The following TPD52L1 variants were observed in gnomAD, a reference collection of about 807,000 sequenced individuals.
TPD52L1 encodes the protein TPD52 like 1, also known as tumor protein D53.
TPD52L1 carries 18 observed loss-of-function variants against 28.7 expected under a neutral mutation model. That is an observed-to-expected ratio of 0.63 (90% CI 0.43 to 0.93). The LOEUF is 0.93. Ranked by LOEUF, TPD52L1 falls within the 40% of genes least tolerant of loss-of-function variation. TPD52L1 has a pLI of 0.00. For missense variants in TPD52L1, 203 were observed against 254.8 expected (o/e 0.80, Z 1.39); for synonymous variants, 75 against 88.8 (o/e 0.84, Z 0.88).
At chr6:125,154,614 C>T (rs1789993492) in intron 1 of TPD52L1, 1 of 843,342 alleles carries the variant, frequency 1.2e-6, no homozygotes. Context: ...CTCCCTGCTC[C>T]CGGGGCTGCC....
At chr6:125,238,767 T>C (rs1796437081) in intron 3 of TPD52L1, among the ~76,000 whole-genome samples, 1 of 152,220 alleles carries the variant, frequency 6.6e-6, no homozygotes. Context: ...GATTTAAATG[T>C]AGTAGTTTTG....
intron 1 of TPD52L1, among the ~76,000 whole-genome samples, chr6:125,219,468 T>C (rs577429880): frequency 1.0e-3 from 152 of 152,334 alleles, no homozygotes; most frequent in African/African-American, 3.5e-3. Flanking sequence ...TTTTAAATTC[T>C]AACCTCAAGG....
chr6:125,212,072 G>T (rs565142460), intron 1 of TPD52L1, among the ~76,000 whole-genome samples: 1 of 151,898 alleles, frequency 6.6e-6, no homozygotes, highest in South Asian at 2.1e-4. Flanking sequence ...TTTCACTTGG[G>T]GAATACATGT....
chr6:125,201,502 T>C (rs1183436583), intron 1 of TPD52L1, among the ~76,000 whole-genome samples: 1 of 152,258 alleles, frequency 6.6e-6, no homozygotes, highest in Non-Finnish European at 1.5e-5. Flanking sequence ...TGCACCTTTT[T>C]TTCTGTAAGA....
chr6:125,217,949 T>C (rs923484924), intron 1 of TPD52L1, among the ~76,000 whole-genome samples: 7 of 152,208 alleles, frequency 4.6e-5, no homozygotes, highest in African/African-American at 1.4e-4. Flanking sequence ...GTCCAGTCTT[T>C]ATCATGGAAA....
At chr6:125,192,720 A>G (rs1392503575) in intron 1 of TPD52L1, among the ~76,000 whole-genome samples, 1 of 152,182 alleles carries the variant, frequency 6.6e-6, no homozygotes, top group Non-Finnish European at 1.5e-5. Context: ...CCAACCAAGC[A>G]CTTTGCTGCA....
At chr6:125,228,880 A>G (rs977613529) in intron 2 of TPD52L1, among the ~76,000 whole-genome samples, 3 of 151,994 alleles carry the variant, frequency 2.0e-5, no homozygotes, top group Non-Finnish European at 4.4e-5. Context: ...TTTCTGTACA[A>G]TCTCACTTTT....
intron 2 of TPD52L1, among the ~76,000 whole-genome samples, chr6:125,220,820 T>G (rs530879474): frequency 7.9e-4 from 121 of 152,290 alleles, no homozygotes; most frequent in Middle Eastern, 3.4e-3. Context: ...GTCTTTTGCT[T>G]GCAATACCCA....
rs1224824460 is a variant in TPD52L1, at chr6:125,263,759, G to A, written c.*797G>A. The A allele has an allele frequency of 1.3e-5, 2 of 152,214 alleles. No homozygotes were observed. Among genetic ancestry groups the A allele is most frequent in the Non-Finnish European group, 1.5e-5 (1 of 68,074 alleles). The allele number at this position is 152,214 out of a possible 1,614,324, so 9.4% of individuals were successfully genotyped here. A position where few individuals can be genotyped will look rare whatever the true frequency, so the allele number is the denominator to read the frequency against. On this transcript the variant is annotated 3_prime_UTR_variant, in exon 7 of 7. Coordinates refer to ENST00000534000, the MANE Select transcript of TPD52L1 (RefSeq NM_003287.4). Reference sequence around the variant, plus strand: ...CCAGCTACTCTAGAGGCTGAGGCAGGAGGATTGCATGAGCCTAGGAGTTCG... The same window carrying A: ...CCAGCTACTCTAGAGGCTGAGGCAGAAGGATTGCATGAGCCTAGGAGTTCG...
At chr6:125,178,410 CAGG>C (rs1389915138) in intron 1 of TPD52L1, among the ~76,000 whole-genome samples, 1 of 152,138 alleles carries the variant, frequency 6.6e-6, no homozygotes, top group Non-Finnish European at 1.5e-5. Context: ...ATCACAAGGT[CAGG>C]AGTTCAAGAC....
chr6:125,168,273 T>C (rs62432187), intron 1 of TPD52L1, among the ~76,000 whole-genome samples: 3,839 of 152,278 alleles, frequency 0.025, 80 homozygotes, highest in Middle Eastern at 0.048. Flanking sequence ...GAGAAAGAAC[T>C]TGGTGCCAGT....
intron 4 of TPD52L1, chr6:125,252,331 T>G (rs1410039455): frequency 2.8e-6 from 1 of 352,202 alleles, no homozygotes; most frequent in Non-Finnish European, 5.0e-6. Context: ...TTCTTAGAAT[T>G]GAAAAGAAGA....
intron 1 of TPD52L1, among the ~76,000 whole-genome samples, chr6:125,189,306 T>C (rs1201710237): frequency 1.3e-5 from 2 of 152,238 alleles, no homozygotes; most frequent in Non-Finnish European, 2.9e-5. Context: ...TACACTATTC[T>C]AAATACAGGA....
chr6:125,229,336 A>AT (rs1795806008), intron 3 of TPD52L1, 70 bp downstream of exon 3: 5 of 1,445,228 alleles, frequency 3.5e-6, no homozygotes, highest in Non-Finnish European at 4.6e-6. Context: ...GTTTTGTTTC[A>AT]TTTTTCCTAC....
intron 4 of TPD52L1, 119 bp from the exon 5 acceptor site, chr6:125,253,598 G>A: frequency 1.1e-6 from 1 of 899,820 alleles, no homozygotes. Context: ...AGATGGGCAG[G>A]GAATATTTCA....
intron 1 of TPD52L1, among the ~76,000 whole-genome samples, chr6:125,165,869 G>C (rs1221542314): frequency 2.0e-5 from 3 of 152,134 alleles, no homozygotes; most frequent in African/African-American, 7.2e-5. Context: ...GGAAAAGTCA[G>C]TTCAAATATG....
Position 125,236,068 on chromosome 6 carries a change from A to G in TPD52L1, c.284+6802A>G, listed in dbSNP as rs141214901. On this transcript the variant is annotated intron_variant, in intron 3 of 6. Transcript: ENST00000534000. The stretch of plus-strand genomic sequence containing the variant: ...GCAGCAAGACATTTTAATGGAAAGC[A>G]GGCACCCTGGACTAGGCCCTAGACT... Among the ~76,000 whole-genome samples, 1,157 of 152,290 alleles carry G rather than the reference A, an allele frequency of 7.6e-3. 15 individuals are homozygous for G. Among genetic ancestry groups the G allele is most frequent in the African/African-American group, 0.027 (1,121 of 41,562 alleles).
At chr6:125,247,560 G>A (rs575393094) in intron 3 of TPD52L1, among the ~76,000 whole-genome samples, 1 of 152,028 alleles carries the variant, frequency 6.6e-6, no homozygotes, top group African/African-American at 2.4e-5. Flanking sequence ...GTCACAAAAG[G>A]TTGTCCCTTT....
rs1797890437 is a variant in TPD52L1 at position 125,260,921 on chromosome 6, GAA to G, written c.487-1912_487-1911del. The G allele has an allele frequency of 1.9e-3, 111 of 58,804 alleles. 3 individuals carry two copies. Among genetic ancestry groups the G allele is most frequent in the African/African-American group, 0.014 (101 of 7,436 alleles). 3.6% of individuals were successfully genotyped at this position (58,804 alleles called of 1,614,324 possible). On this transcript the variant is annotated intron_variant, in intron 6 of 6. Coordinates refer to ENST00000534000, the MANE Select transcript of TPD52L1 (RefSeq NM_003287.4). ...GGGAGAAAGAAAGGAAAGAAAGAAA[GAA>G]GAAAGAAAGAAAGAAAGAAAGAAAG... is the stretch of plus-strand genomic sequence containing the variant.
Sources: gnomAD v4.1 joint callset for allele counts (sites outside exome capture counted in the v4.1 genomes callset) on GRCh38, gnomAD v4.1.1 for gene constraint, MANE v1.5 for transcripts, NCBI Gene and HGNC (gene_info 2026-07-23, HGNC 2026-07-21) for gene names.